The following PTPRN2 variants were observed in gnomAD, a reference collection of about 807,000 sequenced individuals.
PTPRN2 encodes the protein receptor-type tyrosine-protein phosphatase N2.
A neutral mutation model predicts 118.8 loss-of-function variants in PTPRN2; 74 were observed. That is an observed-to-expected ratio of 0.62 (90% confidence interval 0.52 to 0.76). PTPRN2 has a LOEUF of 0.76. PTPRN2 is among the 30% of genes least tolerant of loss of function. PTPRN2 has a pLI of 0.00. For synonymous variants in PTPRN2, 641 were observed against 608.0 expected (o/e 1.05, Z -0.80); for missense variants, 1,481 against 1,394.4 (o/e 1.06, Z -0.99).
intron 13 of PTPRN2, among the ~76,000 whole-genome samples, chr7:157,668,488 A>G (rs1019237974): frequency 2.7e-4 from 41 of 152,194 alleles, no homozygotes; most frequent in African/African-American, 9.2e-4. Flanking sequence ...CACTAGTAAC[A>G]GGACAACACT....
intron 6 of PTPRN2, among the ~76,000 whole-genome samples, chr7:158,146,492 C>A (rs1418394340): frequency 6.6e-6 from 1 of 152,138 alleles, no homozygotes; most frequent in Non-Finnish European, 1.5e-5. Context: ...GACGCTGAGG[C>A]ATGCGGATCA....
chr7:158,572,359 T>C (rs528488955), intron 1 of PTPRN2, among the ~76,000 whole-genome samples: 8 of 152,332 alleles, frequency 5.3e-5, no homozygotes, highest in African/African-American at 1.9e-4. Context: ...AAGGCTCTAG[T>C]TATGCTACCT....
At chr7:158,382,819 A>C (rs867506064) in intron 2 of PTPRN2, among the ~76,000 whole-genome samples, 2 of 152,226 alleles carry the variant, frequency 1.3e-5, no homozygotes, top group African/African-American at 2.4e-5. Flanking sequence ...GACTGCACAG[A>C]GATCACAATC....
rs57427440 is a variant in PTPRN2 at position 157,727,614 on chromosome 7, C to T, written c.1789-44677G>A. ...TCTGGAAATGGGTGGTGGAGATGCT[C>T]GCACAACGTTGTGAACACATACAAT... On this transcript the variant is annotated intron_variant, in intron 12 of 22. Transcript: ENST00000389418. Among the ~76,000 whole-genome samples, 1,908 of 152,260 alleles carry T rather than the reference C, an allele frequency of 0.013. 104 individuals are homozygous for T. In the South Asian group the frequency reaches 0.14, roughly 11 times the overall value.
At chr7:157,746,777 T>G (rs971919680) in intron 12 of PTPRN2, among the ~76,000 whole-genome samples, 37 of 152,230 alleles carry the variant, frequency 2.4e-4, no homozygotes, top group African/African-American at 8.9e-4. Flanking sequence ...AGCTGCCTGG[T>G]CTGCTGAGCA....
chr7:157,579,253 G>A (rs962964869), intron 17 of PTPRN2, among the ~76,000 whole-genome samples: 3 of 152,094 alleles, frequency 2.0e-5, no homozygotes, highest in East Asian at 1.9e-4. Flanking sequence ...CATTTACATC[G>A]GAAGCCAATG....
At chr7:158,109,347 GA>G (rs1815996864) in intron 10 of PTPRN2, among the ~76,000 whole-genome samples, 1 of 151,024 alleles carries the variant, frequency 6.6e-6, no homozygotes, top group African/African-American at 2.4e-5. Flanking sequence ...ACCCCTGTGT[GA>G]AGGAGACAGT....
intron 19 of PTPRN2, among the ~76,000 whole-genome samples, chr7:157,575,041 T>C (rs1585051018): frequency 6.6e-6 from 1 of 152,224 alleles, no homozygotes; most frequent in East Asian, 1.9e-4. Flanking sequence ...AAGGGAAATT[T>C]GGGAATCCAA....
In PTPRN2 at chr7:157,736,186, C is replaced by T. The variant is rs140770148; in HGVS notation, c.1789-53249G>A. Among the ~76,000 whole-genome samples the T allele has an allele frequency of 2.0e-4, 31 of 152,306 alleles. No homozygotes were observed. In the East Asian group the frequency reaches 6.0e-3, roughly 29 times the overall value. Reference sequence around the variant, plus strand: ...CCCGAGAACCTTCCCTTTCCCACCACCATTCAAAGGAGGCTGCTCTTAGCC... The same window carrying T: ...CCCGAGAACCTTCCCTTTCCCACCATCATTCAAAGGAGGCTGCTCTTAGCC... On this transcript the variant is annotated intron_variant, in intron 12 of 22. Coordinates refer to ENST00000389418, the MANE Select transcript of PTPRN2 (RefSeq NM_002847.5).
rs75461406 is a variant in PTPRN2 at position 158,521,070 on chromosome 7, C to T, written c.113-31285G>A. On this transcript the variant is annotated intron_variant, in intron 1 of 22. Transcript: ENST00000389418. ...CCTTATTCCATGACTTCCCTCTGTG[C>T]GAGGCGCTCAGTCCTGCAGACGCAG... Among the ~76,000 whole-genome samples the T allele has an allele frequency of 8.1e-3, 1,233 of 152,372 alleles. 22 individuals carry two copies. Among genetic ancestry groups the T allele is most frequent in the African/African-American group, 0.028 (1,151 of 41,584 alleles).
chr7:158,196,797 A>T (rs910218686), intron 4 of PTPRN2, among the ~76,000 whole-genome samples: 7 of 152,196 alleles, frequency 4.6e-5, no homozygotes, highest in African/African-American at 1.7e-4. Flanking sequence ...GATGGAAAAC[A>T]TTTTTAAAGT....
At chr7:158,367,160 C>A (rs1809601375) in intron 2 of PTPRN2, among the ~76,000 whole-genome samples, 1 of 152,214 alleles carries the variant, frequency 6.6e-6, no homozygotes, top group Admixed American at 6.5e-5. Flanking sequence ...GGTCAACCAG[C>A]CCCCAGTGCT....
rs374042160 is a variant in PTPRN2 at position 158,546,806 on chromosome 7, C to T, written c.112+40752G>A. Among the ~76,000 whole-genome samples, 24 of 152,368 alleles carry T rather than the reference C, an allele frequency of 1.6e-4. No individual in the cohort carries two copies. The East Asian group carries it at 3.3e-3, about 21-fold the overall frequency. ...TGAGCACGTCTCACGTATGCACCAA[C>T]ATGCAGATGCACACACAGGGCATGG... is the stretch of plus-strand genomic sequence containing the variant. On this transcript the variant is annotated intron_variant, in intron 1 of 22. Transcript: ENST00000389418. This position sits in a 1 kb window ranked among gnomAD's most constrained non-coding sequence, Gnocchi z 5.0.
At position 158,571,376 on chromosome 7, in the gene PTPRN2, G is replaced by T. The variant is rs182006348; in HGVS notation, c.112+16182C>A. ...GCCTGTAATCCCAGCTACTTGGGACGCTGAGGCAGGAGAATCACTTGAACA... is the reference window on the plus strand; with the variant it reads ...GCCTGTAATCCCAGCTACTTGGGACTCTGAGGCAGGAGAATCACTTGAACA... On this transcript the variant is annotated intron_variant, in intron 1 of 22. Transcript: ENST00000389418. Among the ~76,000 whole-genome samples the T allele has an allele frequency of 9.2e-5, 14 of 151,778 alleles. No individual in the cohort carries two copies. The East Asian group carries it at 2.7e-3, about 29-fold the overall frequency.
chr7:157,919,271 A>G (rs1798574502), intron 11 of PTPRN2, among the ~76,000 whole-genome samples: 1 of 152,350 alleles, frequency 6.6e-6, no homozygotes, highest in South Asian at 2.1e-4. Context: ...AGAAATTAAT[A>G]AACACAGAAA....
chr7:158,024,723 G>A (rs375937446), intron 11 of PTPRN2, among the ~76,000 whole-genome samples: 1 of 152,152 alleles, frequency 6.6e-6, no homozygotes, highest in Admixed American at 6.5e-5. Flanking sequence ...GAGCAGGAAG[G>A]GGGCCAAGGC....
chr7:158,435,369 G>A (rs1035907012), intron 2 of PTPRN2, among the ~76,000 whole-genome samples: 16 of 151,834 alleles, frequency 1.1e-4, no homozygotes, highest in Admixed American at 9.2e-4. Flanking sequence ...ATCACTAATC[G>A]CCAGCAAAAT....
chr7:158,285,442 C>T (rs543514059), intron 3 of PTPRN2, among the ~76,000 whole-genome samples: 1 of 152,336 alleles, frequency 6.6e-6, no homozygotes, highest in East Asian at 1.9e-4. Context: ...TCAACTCTCC[C>T]GCCCAACCCC....
At position 158,451,595 on chromosome 7, in the gene PTPRN2, C is replaced by T. The variant is rs146858857; in HGVS notation, c.163+38140G>A. Among the ~76,000 whole-genome samples the T allele has an allele frequency of 6.2e-3, 951 of 152,230 alleles. 12 individuals carry two copies. Among genetic ancestry groups the T allele is most frequent in the African/African-American group, 0.021 (888 of 41,514 alleles). ...ATCTTCCTTTTTTATTTCAAAATGT[C>T]TTGAGGTCCTTCTGTGTCAGCCCAT... On this transcript the variant is annotated intron_variant, in intron 2 of 22. Transcript: ENST00000389418.
Sources: allele counts gnomAD v4.1 joint callset (sites outside exome capture counted in the v4.1 genomes callset), GRCh38; gene constraint gnomAD v4.1.1; non-coding constraint Gnocchi (gnomAD v3.1); transcripts MANE v1.5; gene names NCBI Gene and HGNC (gene_info 2026-07-23, HGNC 2026-07-21).